Variants in LRP1B observed in about 807,000 individuals in gnomAD.
The protein encoded by LRP1B is LDL receptor related protein 1B.
A neutral mutation model predicts 556.6 loss-of-function variants in LRP1B; 217 were observed. The observed-to-expected ratio is 0.39, with a 90% CI of 0.35 to 0.44. LRP1B has a LOEUF of 0.44. Ranked by LOEUF, LRP1B falls within the 20% of genes least tolerant of loss-of-function variation. The pLI is 1.00. For synonymous variants in LRP1B, 2,047 were observed against 1,865.8 expected (o/e 1.10, Z -2.50); for missense variants, 5,053 against 5,620.8 (o/e 0.90, Z 3.23).
intron 3 of LRP1B, among the ~76,000 whole-genome samples, chr2:141,450,804 A>G (rs1028668329): frequency 2.6e-5 from 4 of 152,032 alleles, no homozygotes; most frequent in African/African-American, 9.7e-5. Context: ...TAAAATAGAT[A>G]TTTTTCTTGT....
At chr2:141,772,784 TCCTGGAAGC>T (rs1694943634) in intron 2 of LRP1B, among the ~76,000 whole-genome samples, 1 of 152,216 alleles carries the variant, frequency 6.6e-6, no homozygotes, top group South Asian at 2.1e-4. Context: ...CACACTGGGT[TCCTGGAAGC>T]CCTGGGCATA....
At chr2:141,818,692 A>G (rs936577090) in intron 1 of LRP1B, among the ~76,000 whole-genome samples, 4 of 151,000 alleles carry the variant, frequency 2.6e-5, no homozygotes, top group African/African-American at 9.7e-5. Context: ...GCCTGCCACC[A>G]CACCTGGCTA....
At chr2:141,429,971 A>T (rs10166268) in intron 3 of LRP1B, among the ~76,000 whole-genome samples, 69,756 of 151,990 alleles carry the variant, frequency 0.46, 16,167 homozygotes, top group South Asian at 0.6. Context: ...AACCACTCTA[A>T]CAGTCTGTCT....
intron 35 of LRP1B, among the ~76,000 whole-genome samples, chr2:140,731,886 T>C (rs1469318917): frequency 6.6e-6 from 1 of 151,954 alleles, no homozygotes; most frequent in Non-Finnish European, 1.5e-5. Context: ...TATCATTTTA[T>C]AATGAATTTA....
intron 23 of LRP1B, among the ~76,000 whole-genome samples, chr2:140,897,902 G>A (rs957078908): frequency 1.3e-5 from 2 of 152,092 alleles, no homozygotes; most frequent in Non-Finnish European, 2.9e-5. Flanking sequence ...CCTATTGTGG[G>A]ACTTCACCCT....
intron 1 of LRP1B, among the ~76,000 whole-genome samples, chr2:141,825,083 C>T (rs1696879295): frequency 6.6e-6 from 1 of 152,174 alleles, no homozygotes; most frequent in African/African-American, 2.4e-5. Flanking sequence ...CCCAAACATG[C>T]GGAACTGTGA....
intron 66 of LRP1B, among the ~76,000 whole-genome samples, chr2:140,400,481 C>G (rs1196904319): frequency 6.6e-6 from 1 of 152,106 alleles, no homozygotes; most frequent in South Asian, 2.1e-4. Context: ...TTAGTGGTTT[C>G]TGGAATTATC....
chr2:141,753,263 C>CAT (rs144027196), intron 2 of LRP1B, among the ~76,000 whole-genome samples: 949 of 62,390 alleles, frequency 0.015, 189 homozygotes, highest in African/African-American at 0.046. Flanking sequence ...TCTCTCTCTC[C>CAT]ATATATATAT....
Position 140,470,673 on chromosome 2 carries a change from AT to A in LRP1B, c.9625+4464del, listed in dbSNP as rs200392083. On this transcript the variant is annotated intron_variant, in intron 60 of 90. Coordinates refer to ENST00000389484, the MANE Select transcript of LRP1B (RefSeq NM_018557.3). ...AAAAAAAAAAAAAAAAAAAAAAAAA[AT>A]GGCAAAGATTCTGAAAGTATTGATT... Among the ~76,000 whole-genome samples, 72 of 142,470 alleles carry A rather than the reference AT, an allele frequency of 5.1e-4. 3 individuals carry two copies. Among genetic ancestry groups the A allele is most frequent in the South Asian group, 6.8e-4 (3 of 4,412 alleles). The allele number at this position is 142,470 out of a possible 152,430, so 93.5% of individuals were successfully genotyped here.
intron 15 of LRP1B, among the ~76,000 whole-genome samples, chr2:141,003,901 C>T (rs972976402): frequency 1.3e-5 from 2 of 151,966 alleles, no homozygotes; most frequent in Non-Finnish European, 2.9e-5. Flanking sequence ...AAATAAATGC[C>T]AATGATATAT....
chr2:142,103,193 A>G (rs1223860045), intron 1 of LRP1B, among the ~76,000 whole-genome samples: 1 of 151,966 alleles, frequency 6.6e-6, no homozygotes, highest in African/African-American at 2.4e-5. Flanking sequence ...ATCAACCTTA[A>G]TTTTCATCTA....
intron 71 of LRP1B, among the ~76,000 whole-genome samples, 153 bp from the exon 72 acceptor site, chr2:140,364,936 A>C (rs1682687156): frequency 6.6e-6 from 1 of 151,476 alleles, no homozygotes; most frequent in African/African-American, 2.4e-5. Flanking sequence ...AGGAACAAGT[A>C]ATATTCAATT....
At chr2:141,218,757 G>A (rs1032320227) in intron 6 of LRP1B, among the ~76,000 whole-genome samples, 1 of 152,122 alleles carries the variant, frequency 6.6e-6, no homozygotes, top group African/African-American at 2.4e-5. Flanking sequence ...ACCTGTACAT[G>A]TACCCCTGAA....
At chr2:140,913,370 A>G (rs1694479746) in intron 21 of LRP1B, among the ~76,000 whole-genome samples, 5 of 151,936 alleles carry the variant, frequency 3.3e-5, no homozygotes, top group Admixed American at 3.3e-4. Context: ...ACCATCAGAG[A>G]GTGCTATGGA....
At chr2:140,747,664 A>G (rs1007140759) in intron 35 of LRP1B, among the ~76,000 whole-genome samples, 1 of 152,140 alleles carries the variant, frequency 6.6e-6, no homozygotes. Context: ...TTTAGCTTAT[A>G]TGAAAAATAA....
At chr2:140,432,703 T>C (rs548204581) in intron 66 of LRP1B, among the ~76,000 whole-genome samples, 1 of 152,318 alleles carries the variant, frequency 6.6e-6, no homozygotes, top group South Asian at 2.1e-4. Flanking sequence ...TACAAAGTAT[T>C]CCAGCAACCC....
rs551030986 is a variant in LRP1B, at chr2:141,782,640, T to C, written c.205+27639A>G. Among the ~76,000 whole-genome samples the C allele has an allele frequency of 4.6e-4, 69 of 150,334 alleles. 2 individuals are homozygous for C. Among genetic ancestry groups the C allele is most frequent in the African/African-American group, 1.6e-3 (64 of 40,888 alleles). ...TAGAGTGTTTTAGACACTGATCATA[T>C]AGGGTTTGTGTGAAACTCACCATCG... On this transcript the variant is annotated intron_variant, in intron 2 of 90. Coordinates refer to ENST00000389484, the MANE Select transcript of LRP1B (RefSeq NM_018557.3).
intron 18 of LRP1B, 143 bp downstream of exon 18, chr2:140,982,017 A>C (rs879255830): frequency 3.3e-5 from 20 of 599,044 alleles, no homozygotes; most frequent in Non-Finnish European, 5.8e-5. Context: ...ATCAGGTCCA[A>C]AAGTTTGTAA....
At chr2:142,031,272 G>A (rs1458076254) in intron 1 of LRP1B, among the ~76,000 whole-genome samples, 8 of 149,536 alleles carry the variant, frequency 5.3e-5, no homozygotes, top group Non-Finnish European at 3.0e-5. Flanking sequence ...TCATGTTATT[G>A]CTGAACTCAA....
Sources: gnomAD v4.1 joint callset for allele counts (sites outside exome capture counted in the v4.1 genomes callset) on GRCh38, gnomAD v4.1.1 for gene constraint, MANE v1.5 for transcripts, NCBI Gene and HGNC (gene_info 2026-07-23, HGNC 2026-07-21) for gene names.